The following NRXN3 variants were observed in gnomAD, a reference collection of about 807,000 sequenced individuals.
NRXN3 encodes neurexin 3.
Under a neutral mutation model 137.6 loss-of-function variants are expected in NRXN3, and 32 were observed. The observed-to-expected ratio is 0.23, with a 90% CI of 0.18 to 0.31. The LOEUF is 0.31. NRXN3 is among the 10% of genes least tolerant of loss of function. The pLI is 1.00. For synonymous variants in NRXN3, 798 were observed against 784.5 expected, an observed-to-expected ratio of 1.02 and a Z score of -0.29; for missense variants, 1,574 against 2,062.5, an observed-to-expected ratio of 0.76 and a Z score of 4.59.
intron 16 of NRXN3, among the ~76,000 whole-genome samples, chr14:79,542,418 C>T (rs534395569): frequency 6.6e-6 from 1 of 152,278 alleles, no homozygotes; most frequent in East Asian, 1.9e-4. Flanking sequence ...AAAGAACATT[C>T]TTTCTTAGCC....
chr14:78,839,573 C>T (rs990961822), intron 10 of NRXN3, among the ~76,000 whole-genome samples: 1 of 152,180 alleles, frequency 6.6e-6, no homozygotes, highest in Non-Finnish European at 1.5e-5. Flanking sequence ...AGATGGACTG[C>T]ACACCCCTTG....
intron 4 of NRXN3, among the ~76,000 whole-genome samples, chr14:78,527,571 T>A (rs1246971830): frequency 6.6e-6 from 1 of 152,194 alleles, no homozygotes; most frequent in African/African-American, 2.4e-5. Context: ...ATGTCAGCCT[T>A]CTTTTCTGTG....
At chr14:78,465,833 T>C (rs1312143890) in intron 4 of NRXN3, among the ~76,000 whole-genome samples, 46 of 150,790 alleles carry the variant, frequency 3.1e-4, no homozygotes, top group Admixed American at 3.0e-3. Flanking sequence ...GCGCCCGGCC[T>C]AAGGTATTTT....
intron 15 of NRXN3, among the ~76,000 whole-genome samples, chr14:79,098,342 ATTTAC>A (rs979320148): frequency 6.6e-6 from 1 of 152,160 alleles, no homozygotes; most frequent in African/African-American, 2.4e-5. Flanking sequence ...TAAAAAACCT[ATTTAC>A]TTAGCAGTTT....
intron 15 of NRXN3, among the ~76,000 whole-genome samples, chr14:79,328,142 A>C (rs1365716325): frequency 1.3e-5 from 2 of 152,206 alleles, no homozygotes; most frequent in Non-Finnish European, 2.9e-5. Context: ...ACAGAAAAGG[A>C]AAAAGAAAAA....
Position 79,661,204 on chromosome 14 carries a change from C to T in NRXN3, c.3445-2574C>T, listed in dbSNP as rs541395438. 1.6e-4 allele frequency among the ~76,000 whole-genome samples: 24 copies of T among 152,152 alleles called. No individual in the cohort carries two copies. The South Asian group carries it at 2.5e-3, about 16-fold the overall frequency. On this transcript the variant is annotated intron_variant, in intron 16 of 20. Coordinates refer to ENST00000335750, the MANE Select transcript of NRXN3 (RefSeq NM_001330195.2). ...ATAGCGGTTTCAACAAACAGATTTA[C>T]GAAATCATGAGTGTGTTTAGTCACA...
chr14:78,610,858 G>A (rs572560756), intron 4 of NRXN3, among the ~76,000 whole-genome samples: 1 of 152,342 alleles, frequency 6.6e-6, no homozygotes, highest in East Asian at 1.9e-4. Flanking sequence ...GAGTTGAGAG[G>A]AAATGCAGAG....
chr14:79,607,463 C>T lies in NRXN3; in HGVS notation c.3445-56315C>T, dbSNP rs115271356. Among the ~76,000 whole-genome samples the T allele has an allele frequency of 4.6e-3, 704 of 152,256 alleles. 7 individuals carry two copies. The highest frequency in any genetic ancestry group is 0.016 in the African/African-American group (668 of 41,542). On this transcript the variant is annotated intron_variant, in intron 16 of 20. Coordinates refer to ENST00000335750, the MANE Select transcript of NRXN3 (RefSeq NM_001330195.2). ...GCTTGTTATTTTGGCAAAAGCGTAA[C>T]ATAAGAAGCCACCAACTCTCACAGA...
At chr14:78,687,392 G>A (rs547460083) in intron 6 of NRXN3, among the ~76,000 whole-genome samples, 2 of 152,296 alleles carry the variant, frequency 1.3e-5, no homozygotes, top group South Asian at 2.1e-4. Context: ...ATAGCAATGT[G>A]GATTAGAGTA....
At chr14:78,508,634 T>C (rs2096044385) in intron 4 of NRXN3, among the ~76,000 whole-genome samples, 1 of 152,122 alleles carries the variant, frequency 6.6e-6, no homozygotes, top group African/African-American at 2.4e-5. Context: ...GCTTTCTAAA[T>C]GGCAAAGTAT....
chr14:79,822,067 A>T (rs1279266125), intron 20 of NRXN3, among the ~76,000 whole-genome samples: 2 of 152,176 alleles, frequency 1.3e-5, no homozygotes, highest in Admixed American at 1.3e-4. Context: ...GCTCAAATAT[A>T]CAACTCTGTA....
chr14:78,180,785 T>C (rs2059740584), intron 1 of NRXN3, among the ~76,000 whole-genome samples: 1 of 152,144 alleles, frequency 6.6e-6, no homozygotes, highest in Non-Finnish European at 1.5e-5. Flanking sequence ...ATCCCTTCCT[T>C]TCTCAGCCCA....
At chr14:78,690,441 T>C (rs912895614) in intron 6 of NRXN3, among the ~76,000 whole-genome samples, 1 of 152,328 alleles carries the variant, frequency 6.6e-6, no homozygotes, top group Admixed American at 6.5e-5. Context: ...CCTTACATGA[T>C]ATCCATATTT....
intron 10 of NRXN3, among the ~76,000 whole-genome samples, chr14:78,949,603 T>TA (rs33998097): frequency 8.8e-4 from 122 of 138,022 alleles, no homozygotes; most frequent in African/African-American, 2.5e-3. Flanking sequence ...TTTTTTTTTT[T>TA]AAAAAAAAAC....
chr14:78,831,445 G>A (rs192983200), intron 10 of NRXN3, among the ~76,000 whole-genome samples: 3 of 139,860 alleles, frequency 2.1e-5, no homozygotes, highest in African/African-American at 8.1e-5. Context: ...CTGAGGCAGA[G>A]AATTGCTTGA....
chr14:79,746,287 G>A (rs992128971), intron 19 of NRXN3, among the ~76,000 whole-genome samples: 1 of 152,118 alleles, frequency 6.6e-6, no homozygotes, highest in Non-Finnish European at 1.5e-5. Context: ...CTAGAAATCT[G>A]CTTTTTGACA....
intron 15 of NRXN3, among the ~76,000 whole-genome samples, chr14:79,453,390 G>A (rs1336505930): frequency 6.6e-6 from 1 of 152,162 alleles, no homozygotes; most frequent in African/African-American, 2.4e-5. Flanking sequence ...AGAAAAAGAA[G>A]CCAAGATCAT....
rs867003285 is a variant in NRXN3 at position 79,809,232 on chromosome 14, A to G, written c.4093+4042A>G. ...TCATATAATAGGGCTGCCCTGACAAAATCTATATTTTTAACAAATTTGTTT... is the reference window on the plus strand; with the variant it reads ...TCATATAATAGGGCTGCCCTGACAAGATCTATATTTTTAACAAATTTGTTT... On this transcript the variant is annotated intron_variant, in intron 20 of 20. Coordinates refer to ENST00000335750, the MANE Select transcript of NRXN3 (RefSeq NM_001330195.2). Among the ~76,000 whole-genome samples, 11 of 152,264 alleles carry G rather than the reference A, an allele frequency of 7.2e-5. No individual in the cohort carries two copies. In the Middle Eastern group the frequency reaches 0.031, roughly 427 times the overall value.
chr14:79,643,571 C>G (rs170251), intron 16 of NRXN3, among the ~76,000 whole-genome samples: 1 of 133,878 alleles, frequency 7.5e-6, no homozygotes, highest in Admixed American at 7.9e-5. Context: ...CATTGAAAGC[C>G]TAACATGATT....
Sources: allele counts gnomAD v4.1 joint callset (sites outside exome capture counted in the v4.1 genomes callset), GRCh38; gene constraint gnomAD v4.1.1; transcripts MANE v1.5; gene names NCBI Gene and HGNC (gene_info 2026-07-23, HGNC 2026-07-21).